The following CTNNA3 variants were observed in gnomAD, a reference collection of about 807,000 sequenced individuals.
The protein encoded by CTNNA3 is catenin alpha 3, also known as catenin alpha-3.
In CTNNA3, 76 loss-of-function variants were observed where a neutral mutation model predicts 95.7. That is an observed-to-expected ratio of 0.79 (90% CI 0.66 to 0.96). The LOEUF is 0.96. CTNNA3 is among the 40% of genes least tolerant of loss of function. CTNNA3 has a pLI of 0.00. For missense variants in CTNNA3, 1,191 were observed against 1,089.8 expected, an observed-to-expected ratio of 1.09 and a Z score of -1.31; for synonymous variants, 431 against 374.4, an observed-to-expected ratio of 1.15 and a Z score of -1.74.
At chr10:67,049,029 GGTT>G (rs1250200711) in intron 7 of CTNNA3, among the ~76,000 whole-genome samples, 3 of 11,666 alleles carry the variant, frequency 2.6e-4, no homozygotes, top group Admixed American at 1.6e-3. Flanking sequence ...GATGATAACT[GGTT>G]TTTTTTTTTT....
chr10:67,061,415 C>G (rs1855749705), intron 7 of CTNNA3, among the ~76,000 whole-genome samples: 1 of 152,124 alleles, frequency 6.6e-6, no homozygotes, highest in Admixed American at 6.6e-5. Flanking sequence ...ATCAGAGTTC[C>G]TTTATTGTTA....
intron 13 of CTNNA3, among the ~76,000 whole-genome samples, chr10:66,239,914 C>T (rs2090029116): frequency 6.6e-6 from 1 of 151,708 alleles, no homozygotes; most frequent in Non-Finnish European, 1.5e-5. Context: ...ACTATAAACA[C>T]TAAAGTAGAA....
chr10:66,351,624 C>T (rs2092567674), intron 12 of CTNNA3, among the ~76,000 whole-genome samples: 1 of 151,958 alleles, frequency 6.6e-6, no homozygotes, highest in African/African-American at 2.4e-5. Context: ...TGGTTAAAAA[C>T]ATGATCACAT....
intron 9 of CTNNA3, among the ~76,000 whole-genome samples, chr10:66,728,296 G>T (rs1848840837): frequency 6.6e-6 from 1 of 152,074 alleles, no homozygotes; most frequent in South Asian, 2.1e-4. Context: ...TATTTTTCTT[G>T]TACATTTAAG....
intron 1 of CTNNA3, among the ~76,000 whole-genome samples, chr10:67,719,981 C>T (rs868171519): frequency 9.9e-5 from 15 of 151,728 alleles, no homozygotes; most frequent in Admixed American, 2.0e-4. Flanking sequence ...AATCTAGGTG[C>T]TCCTGTGTTG....
chr10:67,288,969 A>C (rs572555449), intron 5 of CTNNA3, among the ~76,000 whole-genome samples: 62 of 152,232 alleles, frequency 4.1e-4, no homozygotes, highest in African/African-American at 1.4e-3. Context: ...TCTCTAAATA[A>C]ATAAATAACA....
rs921477321 is a variant in CTNNA3, at chr10:66,009,946, C to T, written c.2160-21149G>A. 9.9e-5 allele frequency among the ~76,000 whole-genome samples: 15 copies of T among 152,198 alleles called. No individual in the cohort carries two copies. The South Asian group carries it at 1.7e-3, about 17-fold the overall frequency. On this transcript the variant is annotated intron_variant, in intron 15 of 17. Coordinates refer to ENST00000433211, the MANE Select transcript of CTNNA3 (RefSeq NM_013266.4). Reference sequence around the variant, plus strand: ...TTCCTTTATCTGAGTTGCAAATAAGCTTCATGGTTTTGAGTTTTATTTTGT... The same window carrying T: ...TTCCTTTATCTGAGTTGCAAATAAGTTTCATGGTTTTGAGTTTTATTTTGT...
intron 5 of CTNNA3, among the ~76,000 whole-genome samples, chr10:67,319,109 C>T (rs1347270839): frequency 6.6e-6 from 1 of 152,116 alleles, no homozygotes; most frequent in Non-Finnish European, 1.5e-5. Flanking sequence ...TGTGATCAGC[C>T]CCCAATAAAA....
At chr10:67,011,322 G>C (rs1852320580) in intron 7 of CTNNA3, among the ~76,000 whole-genome samples, 1 of 142,682 alleles carries the variant, frequency 7.0e-6, no homozygotes, top group East Asian at 2.1e-4. Context: ...GCCTGGGGCA[G>C]AGCAAAAGTC....
intron 7 of CTNNA3, among the ~76,000 whole-genome samples, chr10:66,866,903 A>C (rs1193923274): frequency 6.6e-6 from 1 of 152,158 alleles, no homozygotes; most frequent in Non-Finnish European, 1.5e-5. Context: ...TGTGGGAGGA[A>C]CCTGATGAGA....
At chr10:67,619,121 T>C (rs767092221) in intron 2 of CTNNA3, among the ~76,000 whole-genome samples, 36 of 152,166 alleles carry the variant, frequency 2.4e-4, no homozygotes, top group Non-Finnish European at 4.3e-4. Context: ...AAAGATACCA[T>C]TGATCATCTT....
At chr10:67,076,095 A>G (rs983527081) in intron 7 of CTNNA3, among the ~76,000 whole-genome samples, 11 of 152,224 alleles carry the variant, frequency 7.2e-5, no homozygotes, top group African/African-American at 2.4e-4. Context: ...ACTGCCTTTA[A>G]GTATATGTAG....
chr10:67,269,820 G>C (rs997137606), intron 5 of CTNNA3, among the ~76,000 whole-genome samples: 8 of 152,028 alleles, frequency 5.3e-5, no homozygotes, highest in African/African-American at 1.9e-4. Flanking sequence ...TAAATGAGTG[G>C]ATTTCAACTA....
intron 7 of CTNNA3, among the ~76,000 whole-genome samples, chr10:66,925,600 A>T (rs1180748006): frequency 6.6e-6 from 1 of 152,250 alleles, no homozygotes; most frequent in African/African-American, 2.4e-5. Context: ...GACACCTTGC[A>T]TAATATAATC....
chr10:65,994,467 G>A (rs11599400), intron 15 of CTNNA3, among the ~76,000 whole-genome samples: 22,837 of 151,002 alleles, frequency 0.15, 1,777 homozygotes, highest in East Asian at 0.2. Context: ...CTCTCTGAAT[G>A]TATCATCTCA....
chr10:66,283,758 AC>A (rs1322942595), intron 12 of CTNNA3, among the ~76,000 whole-genome samples: 2 of 151,942 alleles, frequency 1.3e-5, no homozygotes, highest in African/African-American at 2.4e-5. Context: ...ATTAGCTTAA[AC>A]ATCAGCTGTG....
At chr10:67,267,452 C>A (rs557100702) in intron 5 of CTNNA3, among the ~76,000 whole-genome samples, 1 of 152,242 alleles carries the variant, frequency 6.6e-6, no homozygotes, top group African/African-American at 2.4e-5. Context: ...GCAAGCTCTG[C>A]CTCCCAGGTT....
At chr10:66,995,462 C>T (rs1851275229) in intron 7 of CTNNA3, among the ~76,000 whole-genome samples, 1 of 152,170 alleles carries the variant, frequency 6.6e-6, no homozygotes, top group Admixed American at 6.5e-5. Flanking sequence ...TCTTTTAATC[C>T]ATTCTCCAAA....
chr10:66,071,864 T>G (rs1336589398), intron 14 of CTNNA3, among the ~76,000 whole-genome samples: 1 of 152,208 alleles, frequency 6.6e-6, no homozygotes, highest in Non-Finnish European at 1.5e-5. Context: ...GAACTCTATT[T>G]ATAATATTAT....
Sources: allele counts gnomAD v4.1 joint callset (sites outside exome capture counted in the v4.1 genomes callset), GRCh38; gene constraint gnomAD v4.1.1; transcripts MANE v1.5; gene names NCBI Gene and HGNC (gene_info 2026-07-23, HGNC 2026-07-21).